Variants in METTL15 observed in about 807,000 individuals in gnomAD.
METTL15 encodes the protein 12S rRNA N(4)-cytidine methyltransferase METTL15.
A neutral mutation model predicts 38.3 loss-of-function variants in METTL15; 34 were observed. The ratio of observed to expected loss-of-function variants is 0.89; its 90% CI spans 0.68 to 1.18. The LOEUF (loss-of-function observed/expected upper bound fraction) is 1.18, where lower values mean the gene tolerates loss of function less well. METTL15 is among the 50% of genes most tolerant of loss of function. The pLI is 0.00. For synonymous variants in METTL15, 162 were observed against 170.9 expected (o/e 0.95, Z 0.41); for missense variants, 438 against 498.4 (o/e 0.88, Z 1.15).
intron 6 of METTL15, among the ~76,000 whole-genome samples, chr11:28,467,697 A>G (rs906274217): frequency 6.6e-6 from 1 of 152,236 alleles, no homozygotes; most frequent in Non-Finnish European, 1.5e-5. Flanking sequence ...AGTAAGGACC[A>G]GTCACAAAAT....
intron 3 of METTL15, among the ~76,000 whole-genome samples, chr11:28,167,720 A>T (rs1260381291): frequency 2.6e-5 from 4 of 151,730 alleles, no homozygotes; most frequent in Non-Finnish European, 4.4e-5. Context: ...TACTAGATTC[A>T]TATCTAGTAT....
intron 3 of METTL15, among the ~76,000 whole-genome samples, chr11:28,205,555 C>T (rs1396863503): frequency 1.3e-5 from 2 of 152,006 alleles, no homozygotes; most frequent in Admixed American, 6.6e-5. Flanking sequence ...TGAATAGTGC[C>T]TCAATAAACA....
chr11:28,124,743 C>T (rs1224301839), intron 3 of METTL15, among the ~76,000 whole-genome samples: 1 of 152,110 alleles, frequency 6.6e-6, no homozygotes, highest in Non-Finnish European at 1.5e-5. Context: ...TACCATTAGT[C>T]TCTTGTCTAT....
intron 5 of METTL15, among the ~76,000 whole-genome samples, chr11:28,366,509 G>T (rs1338227244): frequency 6.6e-6 from 1 of 152,082 alleles, no homozygotes; most frequent in Admixed American, 6.6e-5. Context: ...ATTTTCTGAA[G>T]ACTACAACTG....
At chr11:28,451,762 G>A (rs1321733251) in intron 6 of METTL15, among the ~76,000 whole-genome samples, 4 of 152,164 alleles carry the variant, frequency 2.6e-5, no homozygotes, top group Non-Finnish European at 4.4e-5. Context: ...GCGTCTGCTG[G>A]TGACGTTAGC....
chr11:28,211,942 T>A (rs1852659167), intron 4 of METTL15, among the ~76,000 whole-genome samples: 1 of 151,920 alleles, frequency 6.6e-6, no homozygotes, highest in African/African-American at 2.4e-5. Context: ...ACTTGAGAGG[T>A]AATTTTGACT....
At chr11:28,505,450 C>G (rs557607585) in intron 6 of METTL15, among the ~76,000 whole-genome samples, 1 of 152,174 alleles carries the variant, frequency 6.6e-6, no homozygotes, top group Non-Finnish European at 1.5e-5. Flanking sequence ...TTCTGGTCAG[C>G]TCTGTCTAAC....
intron 3 of METTL15, among the ~76,000 whole-genome samples, chr11:28,133,628 G>T (rs777525377): frequency 7.2e-5 from 11 of 152,164 alleles, no homozygotes; most frequent in Non-Finnish European, 1.6e-4. Flanking sequence ...CTTTTGGATT[G>T]CTTGCTCAAG....
At chr11:28,287,077 A>G (rs1450111556) in intron 4 of METTL15, among the ~76,000 whole-genome samples, 1 of 151,024 alleles carries the variant, frequency 6.6e-6, no homozygotes, top group Non-Finnish European at 1.5e-5. Flanking sequence ...ATATATGTAC[A>G]TGCACACACA....
intron 3 of METTL15, among the ~76,000 whole-genome samples, chr11:28,200,395 A>G (rs1314229143): frequency 1.3e-5 from 2 of 152,196 alleles, no homozygotes; most frequent in African/African-American, 2.4e-5. Context: ...TATGTATAAA[A>G]TGAATGAATG....
At chr11:28,224,396 T>C (rs1174451267) in intron 4 of METTL15, among the ~76,000 whole-genome samples, 1 of 151,936 alleles carries the variant, frequency 6.6e-6, no homozygotes, top group East Asian at 1.9e-4. Flanking sequence ...TTCTGGTATT[T>C]TGTGTTTCTT....
intron 5 of METTL15, among the ~76,000 whole-genome samples, chr11:28,384,632 G>A (rs931548233): frequency 1.3e-5 from 2 of 152,018 alleles, no homozygotes; most frequent in African/African-American, 4.8e-5. Flanking sequence ...ATGATAGAAT[G>A]ATTTACATTC....
chr11:28,433,308 C>T (rs1850952058), intron 6 of METTL15, among the ~76,000 whole-genome samples: 1 of 151,960 alleles, frequency 6.6e-6, no homozygotes, highest in Non-Finnish European at 1.5e-5. Flanking sequence ...CCATAACAAA[C>T]CTGAGTTGAC....
intron 4 of METTL15, among the ~76,000 whole-genome samples, chr11:28,233,615 A>T (rs1255943613): frequency 1.3e-5 from 2 of 152,056 alleles, no homozygotes; most frequent in African/African-American, 4.8e-5. Flanking sequence ...TAAAATAATA[A>T]TTATTGAAAT....
chr11:28,191,798 G>A (rs1484851370), intron 3 of METTL15, among the ~76,000 whole-genome samples: 1 of 151,690 alleles, frequency 6.6e-6, no homozygotes, highest in Non-Finnish European at 1.5e-5. Context: ...AAAGAGCTTA[G>A]CATTGTGTTC....
chr11:28,372,434 CT>C (rs1452528255), intron 5 of METTL15, among the ~76,000 whole-genome samples: 1 of 126,566 alleles, frequency 7.9e-6, no homozygotes, highest in Non-Finnish European at 1.7e-5. Flanking sequence ...TAGAAGTTTT[CT>C]TTTTTTGTTG....
At chr11:28,233,333 C>T (rs1853772169) in intron 4 of METTL15, among the ~76,000 whole-genome samples, 1 of 152,002 alleles carries the variant, frequency 6.6e-6, no homozygotes, top group African/African-American at 2.4e-5. Flanking sequence ...AGTTATAAGA[C>T]AGAATATGAA....
chr11:28,169,144 A>G (rs1415356065), intron 3 of METTL15, among the ~76,000 whole-genome samples: 1 of 152,176 alleles, frequency 6.6e-6, no homozygotes, highest in Non-Finnish European at 1.5e-5. Flanking sequence ...AATGTAGGCA[A>G]ATGGTGGTGA....
chr11:28,451,197 C>G (rs1174127528), intron 6 of METTL15, among the ~76,000 whole-genome samples: 1 of 152,076 alleles, frequency 6.6e-6, no homozygotes, highest in African/African-American at 2.4e-5. Context: ...ACGTCCCAGA[C>G]TACTACAGTG....
Sources: gnomAD v4.1 joint callset for allele counts (sites outside exome capture counted in the v4.1 genomes callset) on GRCh38, gnomAD v4.1.1 for gene constraint, MANE v1.5 for transcripts, NCBI Gene and HGNC (gene_info 2026-07-23, HGNC 2026-07-21) for gene names.